Variants in ALMS1 observed in about 807,000 individuals in gnomAD.
ALMS1 encodes ALMS1 centrosome and basal body associated protein, also known as centrosome-associated protein ALMS1.
ALMS1 carries 271 observed loss-of-function variants against 352.2 expected under a neutral mutation model. The observed-to-expected ratio is 0.77, with a 90% confidence interval of 0.70 to 0.85. The LOEUF (loss-of-function observed/expected upper bound fraction) is 0.85, where lower values mean the gene tolerates loss of function less well. Ranked by LOEUF, ALMS1 falls within the 40% of genes least tolerant of loss-of-function variation. The pLI is 0.00. For missense variants in ALMS1, 5,445 were observed against 4,870.7 expected (o/e 1.12, Z -3.51); for synonymous variants, 1,865 against 1,761.2 (o/e 1.06, Z -1.48).
chr2:73,553,383 C>T (rs934978335), intron 13 of ALMS1, among the ~76,000 whole-genome samples: 3 of 152,090 alleles, frequency 2.0e-5, no homozygotes, highest in African/African-American at 4.8e-5. Flanking sequence ...CTCACTGTGG[C>T]GGTGGTACAC....
chr2:73,530,973 A>G (rs1673897909), intron 11 of ALMS1, among the ~76,000 whole-genome samples: 1 of 152,038 alleles, frequency 6.6e-6, no homozygotes, highest in African/African-American at 2.4e-5. Flanking sequence ...GGGGCCCACA[A>G]AACCATTTTT....
Position 73,449,069 on chromosome 2 carries a change from A to T in ALMS1, c.2542A>T (p.Thr848Ser). ...SAVSGPADGK[T>S]GTPAVTSTSS... ...TGTTTCTGGACCAGCTGACGGAAAG[A>T]CTGGGACACCAGCTGTAACCTCTAC... The change falls in exon 8 of 23, where the codon ACT becomes TCT. Residue 848 changes from threonine to serine, a missense_variant. Coordinates refer to ENST00000613296, the MANE Select transcript of ALMS1 (RefSeq NM_001378454.1). 1 of 1,614,132 alleles carries T rather than the reference A, an allele frequency of 6.2e-7. No homozygotes were observed. Among genetic ancestry groups the T allele is most frequent in the Non-Finnish European group, 8.5e-7 (1 of 1,179,994 alleles).
intron 4 of ALMS1, among the ~76,000 whole-genome samples, chr2:73,423,415 G>A (rs566433719): frequency 1.3e-5 from 2 of 152,234 alleles, no homozygotes; most frequent in African/African-American, 4.8e-5. Context: ...TACCTTATAG[G>A]AGGTGTCAAT....
chr2:73,600,718 A>C lies in ALMS1; in HGVS notation c.11709A>C (p.Arg3903=), dbSNP rs2104193292. Residue 3903 remains arginine, a synonymous_variant, in exon 18 of 23, where the codon CGA becomes CGC. Coordinates refer to ENST00000613296, the MANE Select transcript of ALMS1 (RefSeq NM_001378454.1). The part of the protein sequence containing the change: ...EIVNGAKKHT[R]DVGITFPTPS... ...TGAACGGTGCCAAAAAACACACTCG[A>C]GATGTTGGGATAACTTTCCCAACTC... The C allele has an allele frequency of 1.2e-6, 2 of 1,614,164 alleles. No homozygotes were observed. Among genetic ancestry groups the C allele is most frequent in the Non-Finnish European group, 1.7e-6 (2 of 1,180,022 alleles).
intron 10 of ALMS1, among the ~76,000 whole-genome samples, chr2:73,508,207 C>CTTTTTTTTTTT (rs562118895): frequency 9.3e-6 from 1 of 108,066 alleles, no homozygotes; most frequent in African/African-American, 3.5e-5. Flanking sequence ...TCTTCTTCTT[C>CTTTTTTTTTTT]TTTTTTTTTT....
intron 16 of ALMS1, among the ~76,000 whole-genome samples, chr2:73,597,080 A>G (rs1675568643): frequency 6.6e-6 from 1 of 152,026 alleles, no homozygotes; most frequent in South Asian, 2.1e-4. Flanking sequence ...CTCACCATTT[A>G]TATTGACTTC....
Position 73,424,567 on chromosome 2 carries a change from T to A in ALMS1, c.902T>A (p.Ile301Lys). 6.2e-7 allele frequency: 1 copy of A among 1,614,030 alleles called. No homozygotes were observed. Among genetic ancestry groups the A allele is most frequent in the Non-Finnish European group, 8.5e-7 (1 of 1,180,012 alleles). Residue 301 changes from isoleucine (I) to lysine (K), a missense_variant, in exon 5 of 23, where the codon ATA (isoleucine) becomes AAA (lysine). Transcript: ENST00000613296. ...TTTAGTGTATCTCAGCACCCGCTTATAGGCAGCACAGCTGTTGGGTCTCAG... is the reference window on the plus strand; with the variant it reads ...TTTAGTGTATCTCAGCACCCGCTTAAAGGCAGCACAGCTGTTGGGTCTCAG... ...SRFSVSQHPL[I>K]GSTAVGSQCP...
At chr2:73,510,861 A>C (rs1456523812) in intron 10 of ALMS1, among the ~76,000 whole-genome samples, 1 of 152,040 alleles carries the variant, frequency 6.6e-6, no homozygotes, top group South Asian at 2.1e-4. Flanking sequence ...TGGGAGTTTT[A>C]TCTATAAGCC....
At chr2:73,520,946 A>G (rs1673662556) in intron 11 of ALMS1, among the ~76,000 whole-genome samples, 1 of 152,182 alleles carries the variant, frequency 6.6e-6, no homozygotes, top group Admixed American at 6.5e-5. Flanking sequence ...ATTTTGGACA[A>G]GTCTACTCAA....
At chr2:73,528,389 A>G (rs1673838406) in intron 11 of ALMS1, among the ~76,000 whole-genome samples, 1 of 152,174 alleles carries the variant, frequency 6.6e-6, no homozygotes, top group Non-Finnish European at 1.5e-5. Context: ...TACTTGCTTT[A>G]TATATCTGGG....
At position 73,490,799 on chromosome 2, in the gene ALMS1, C is replaced by T. The variant is rs752183792; in HGVS notation, c.8840C>T (p.Ser2947Phe). 2 of 1,614,036 alleles carry T rather than the reference C, an allele frequency of 1.2e-6. No individual in the cohort carries two copies. Among genetic ancestry groups the T allele is most frequent in the South Asian group, 2.2e-5 (2 of 91,082 alleles). Residue 2947 changes from serine (S) to phenylalanine (F), a missense_variant, in exon 10 of 23, where the codon TCT (serine) becomes TTT (phenylalanine). By Grantham distance (155) the Ser-to-Phe change is radical. Coordinates refer to ENST00000613296, the MANE Select transcript of ALMS1 (RefSeq NM_001378454.1). ...YVDHQMRENH[S>F]PLPQGQDSIA... ...GATCATCAAATGAGAGAAAACCATT[C>T]TCCCCTTCCTCAAGGTCAGGATTCT...
At chr2:73,494,947 A>AT (rs1304844961) in intron 10 of ALMS1, among the ~76,000 whole-genome samples, 2 of 151,852 alleles carry the variant, frequency 1.3e-5, no homozygotes, top group Non-Finnish European at 2.9e-5. Context: ...TGGTGTTTTA[A>AT]TTTTTTTATG....
chr2:73,520,000 T>C lies in ALMS1; in HGVS notation c.9765T>C (p.Phe3255=). Residue 3255 remains phenylalanine, a synonymous_variant, in exon 11 of 23, where the codon TTT becomes TTC. Coordinates refer to ENST00000613296, the MANE Select transcript of ALMS1 (RefSeq NM_001378454.1). ...ASSSSVQQVT[F]SRGTDGQPLL... ...CATCTTCAGTCCAACAGGTTACTTT[T>C]TCTCGCGGCACAGATGGTAAGAGAA... 1 of 1,614,146 alleles carries C rather than the reference T, an allele frequency of 6.2e-7. No homozygotes were observed. Among genetic ancestry groups the C allele is most frequent in the Non-Finnish European group, 8.5e-7 (1 of 1,179,978 alleles).
chr2:73,565,518 A>G (rs544335593), intron 15 of ALMS1, among the ~76,000 whole-genome samples: 1 of 152,340 alleles, frequency 6.6e-6, no homozygotes, highest in East Asian at 1.9e-4. Flanking sequence ...TTCCACCATC[A>G]GGGAGGTGGA....
intron 9 of ALMS1, among the ~76,000 whole-genome samples, chr2:73,463,160 C>T (rs747928044): frequency 9.2e-5 from 14 of 152,298 alleles, no homozygotes; most frequent in South Asian, 6.2e-4. Context: ...ATACATTTTT[C>T]TCAGCACCAC....
intron 10 of ALMS1, among the ~76,000 whole-genome samples, chr2:73,503,628 T>G (rs904094502): frequency 5.3e-5 from 8 of 152,196 alleles, no homozygotes; most frequent in African/African-American, 1.9e-4. Flanking sequence ...ATGGGATGGC[T>G]GGGTCAAATG....
chr2:73,483,267 G>T (rs1297734404), intron 9 of ALMS1, among the ~76,000 whole-genome samples: 2 of 151,358 alleles, frequency 1.3e-5, no homozygotes, highest in African/African-American at 4.9e-5. Flanking sequence ...ATTCTGGTAT[G>T]TTGTGTCTTT....
chr2:73,485,085 A>T, intron 9 of ALMS1, among the ~76,000 whole-genome samples: 1 of 152,154 alleles, frequency 6.6e-6, no homozygotes, highest in African/African-American at 2.4e-5. Flanking sequence ...CGTCAAAGTC[A>T]TTCTCCATCC....
At chr2:73,469,009 A>G (rs1217322092) in intron 9 of ALMS1, among the ~76,000 whole-genome samples, 1 of 151,248 alleles carries the variant, frequency 6.6e-6, no homozygotes, top group Non-Finnish European at 1.5e-5. Context: ...TGTTGAGATC[A>G]TTTTGGCCCC....
Sources: gnomAD v4.1 joint callset for allele counts (sites outside exome capture counted in the v4.1 genomes callset) on GRCh38, gnomAD v4.1.1 for gene constraint, MANE v1.5 for transcripts, NCBI Gene and HGNC (gene_info 2026-07-23, HGNC 2026-07-21) for gene names.